Variants in DST observed in about 807,000 individuals in gnomAD.
The protein encoded by DST is dystonin.
In DST, 253 loss-of-function variants were observed where a neutral mutation model predicts 875.2. The observed-to-expected ratio is 0.29, with a 90% CI of 0.26 to 0.32. The LOEUF is 0.32. Among genes scored for constraint, DST ranks in the 10% least tolerant of loss-of-function variants. The probability of loss-of-function intolerance (pLI) is 1.00; values close to 1 mark genes in which losing one functional copy is unlikely to be tolerated. For missense variants in DST, 8,287 were observed against 9,111.6 expected (o/e 0.91, Z 3.68); for synonymous variants, 3,124 against 3,197.1 (o/e 0.98, Z 0.77).
Position 56,459,024 on chromosome 6 carries a change from T to C in DST, c.23438A>G (p.Asp7813Gly). Residue 7813 changes from aspartate to glycine, a missense_variant, in exon 104 of 104, where the codon GAC becomes GGC. Around this residue, in one of 10 missense-constraint regions of DST, gnomAD observed 240 missense variants for 237.3 expected, o/e 1.01. Transcript: ENST00000680361. ...ATTGCACTATCTCTTTGAGGACTTG[T>C]CCAATTTGCTGGCAGGTGATTTCCT... The part of the protein sequence containing the change: ...PQRKSPASKL[D>G]KSSKR 1 of 1,612,032 alleles carries C rather than the reference T, an allele frequency of 6.2e-7. No individual in the cohort carries two copies. Among genetic ancestry groups the C allele is most frequent in the Non-Finnish European group, 8.5e-7 (1 of 1,178,422 alleles).
chr6:56,882,641 T>C (rs940081550), intron 3 of DST, among the ~76,000 whole-genome samples: 1 of 152,236 alleles, frequency 6.6e-6, no homozygotes, highest in African/African-American at 2.4e-5. Flanking sequence ...CATAATGGCA[T>C]GTAATGCCAA....
At chr6:56,897,687 T>C (rs7761981) in intron 3 of DST, among the ~76,000 whole-genome samples, 6,427 of 152,180 alleles carry the variant, frequency 0.042, 450 homozygotes, top group African/African-American at 0.15. Flanking sequence ...AGATTGTCTG[T>C]CCATCTCTTC....
chr6:56,811,941 G>T (rs1013729108), intron 4 of DST, among the ~76,000 whole-genome samples: 2 of 144,948 alleles, frequency 1.4e-5, no homozygotes, highest in African/African-American at 2.5e-5. Flanking sequence ...CTAAAAATAC[G>T]AAAAAAAAAA....
chr6:56,916,175 A>G (rs1800834081), intron 2 of DST, among the ~76,000 whole-genome samples: 1 of 152,208 alleles, frequency 6.6e-6, no homozygotes, highest in African/African-American at 2.4e-5. Context: ...GAGAGGATCC[A>G]TGAATCAAAT....
intron 9 of DST, among the ~76,000 whole-genome samples, chr6:56,683,384 C>G (rs2099165959): frequency 6.6e-6 from 1 of 152,204 alleles, no homozygotes; most frequent in Admixed American, 6.5e-5. Context: ...TTATTGTACT[C>G]TCATTCCCAA....
chr6:56,552,074 GTA>G, intron 61 of DST, 108 bp downstream of exon 61: 1 of 1,257,428 alleles, frequency 8.0e-7, no homozygotes, highest in Non-Finnish European at 1.1e-6. Context: ...CTCAAATATT[GTA>G]TGACAATCAT....
At chr6:56,779,139 G>C (rs931792594) in intron 4 of DST, among the ~76,000 whole-genome samples, 2 of 152,080 alleles carry the variant, frequency 1.3e-5, no homozygotes, top group Non-Finnish European at 2.9e-5. Context: ...GGCCAGTGAT[G>C]ATGAGCATTT....
intron 27 of DST, among the ~76,000 whole-genome samples, chr6:56,633,531 G>A (rs1483120381): frequency 2.1e-5 from 3 of 143,528 alleles, no homozygotes; most frequent in Admixed American, 7.1e-5. Flanking sequence ...CGGCCGAGAC[G>A]GAGTTTCACT....
chr6:56,805,184 G>A (rs2099751676), intron 4 of DST, among the ~76,000 whole-genome samples: 1 of 152,100 alleles, frequency 6.6e-6, no homozygotes, highest in Admixed American at 6.5e-5. Flanking sequence ...TGAATCATCT[G>A]GGACTGGGGA....
intron 4 of DST, among the ~76,000 whole-genome samples, chr6:56,813,643 C>A (rs182124275): frequency 6.6e-6 from 1 of 152,080 alleles, no homozygotes; most frequent in Non-Finnish European, 1.5e-5. Context: ...ATTTGAGATA[C>A]GCTTTTCAGA....
intron 4 of DST, among the ~76,000 whole-genome samples, chr6:56,801,851 G>C (rs2099747536): frequency 6.6e-6 from 1 of 150,494 alleles, no homozygotes; most frequent in Non-Finnish European, 1.5e-5. Flanking sequence ...CCGGGTTCAA[G>C]CGATTCTCCT....
At chr6:56,555,132 C>A (rs2097390267) in intron 60 of DST, among the ~76,000 whole-genome samples, 1 of 152,054 alleles carries the variant, frequency 6.6e-6, no homozygotes, top group South Asian at 2.1e-4. Context: ...CCAATTTTGC[C>A]AACAGATTAT....
chr6:56,749,384 C>T (rs566813168), intron 4 of DST, among the ~76,000 whole-genome samples: 1 of 152,126 alleles, frequency 6.6e-6, no homozygotes, highest in South Asian at 2.1e-4. Context: ...CTTGGGAGCT[C>T]TTGCCTTTCT....
intron 4 of DST, among the ~76,000 whole-genome samples, chr6:56,834,653 A>C (rs1218403271): frequency 6.6e-6 from 1 of 152,180 alleles, no homozygotes; most frequent in Non-Finnish European, 1.5e-5. Context: ...AATTAAAACA[A>C]TGAAATACCA....
intron 60 of DST, among the ~76,000 whole-genome samples, chr6:56,555,134 A>G (rs1260449189): frequency 6.6e-6 from 1 of 152,178 alleles, no homozygotes; most frequent in Non-Finnish European, 1.5e-5. Context: ...AATTTTGCCA[A>G]CAGATTATGT....
At chr6:56,732,315 C>T (rs899372782) in intron 5 of DST, among the ~76,000 whole-genome samples, 1 of 152,146 alleles carries the variant, frequency 6.6e-6, no homozygotes, top group African/African-American at 2.4e-5. Context: ...AAAGGAATAT[C>T]CCCCAGTTAT....
At chr6:56,787,040 T>C (rs1416136097) in intron 4 of DST, among the ~76,000 whole-genome samples, 1 of 152,234 alleles carries the variant, frequency 6.6e-6, no homozygotes, top group East Asian at 1.9e-4. Context: ...TCAACAAATT[T>C]ACACACAACA....
Position 56,606,338 on chromosome 6 carries a change from T to G in DST, c.8290A>C (p.Ser2764Arg). 1.2e-6 allele frequency: 2 copies of G among 1,612,684 alleles called. No homozygotes were observed. Among genetic ancestry groups the G allele is most frequent in the Non-Finnish European group, 1.7e-6 (2 of 1,179,306 alleles). ...TACTCTTCCTTTCTTCCTCTCCAAC[T>G]GCCACTGTCATCAAATTTTAATGAT... is the stretch of plus-strand genomic sequence containing the variant. ...TASLKFDDSG[S>R]WRGRKEEYVT... The change falls in exon 40 of 104, where the codon AGT becomes CGT. Residue 2764 changes from serine to arginine, a missense_variant. This residue lies in a region of DST where 3,138 missense variants were observed against 3,116.6 expected (regional missense o/e 1.01). Coordinates refer to ENST00000680361, the MANE Select transcript of DST (RefSeq NM_001374736.1).
rs148830617 is a variant in DST, at chr6:56,460,138, C to T, written c.23187G>A (p.Gln7729=). 252 of 1,611,544 alleles carry T rather than the reference C, an allele frequency of 1.6e-4. 1 individual carries two copies. The East Asian group carries it at 5.3e-3, about 34-fold the overall frequency. Residue 7729 remains glutamine, a synonymous_variant, in exon 103 of 104, where the codon CAG becomes CAA. Coordinates refer to ENST00000680361, the MANE Select transcript of DST (RefSeq NM_001374736.1). ...ITTAAARVRT[Q]FADSKKTPSR... ...GAAAGGCACCACACTCACCAGCAAA[C>T]TGTGTTCGGACTCTGGCAGCTGCAG...
Sources: gnomAD v4.1 joint callset for allele counts (sites outside exome capture counted in the v4.1 genomes callset) on GRCh38, gnomAD v4.1.1 for gene constraint, gnomAD v4.1.1 regional missense constraint, MANE v1.5 for transcripts, NCBI Gene and HGNC (gene_info 2026-07-23, HGNC 2026-07-21) for gene names.